Variants in CSMD3 observed in about 807,000 individuals in gnomAD.
CSMD3 encodes the protein CUB and sushi domain-containing protein 3.
CSMD3 carries 177 observed loss-of-function variants against 435.2 expected under a neutral mutation model. The observed-to-expected ratio is 0.41, with a 90% confidence interval of 0.36 to 0.46. The LOEUF (loss-of-function observed/expected upper bound fraction) is 0.46. Among genes scored for constraint, CSMD3 ranks in the 20% least tolerant of loss-of-function variants. The pLI, the probability that CSMD3 is intolerant of heterozygous loss-of-function variation, is 0.34. For synonymous variants in CSMD3, 1,656 were observed against 1,520.5 expected, an observed-to-expected ratio of 1.09 and a Z score of -2.07; for missense variants, 4,265 against 4,504.6, an observed-to-expected ratio of 0.95 and a Z score of 1.52.
intron 3 of CSMD3, among the ~76,000 whole-genome samples, chr8:113,192,614 T>C (rs1443523820): frequency 6.6e-6 from 1 of 151,652 alleles, no homozygotes; most frequent in Non-Finnish European, 1.5e-5. Flanking sequence ...CTCTCCCTTA[T>C]GGAAGTTTTC....
chr8:112,596,563 A>G (rs946113615), intron 22 of CSMD3, among the ~76,000 whole-genome samples: 6 of 152,020 alleles, frequency 3.9e-5, no homozygotes, highest in Non-Finnish European at 8.8e-5. Flanking sequence ...CAGAATACAC[A>G]TTTTTTTCAG....
At chr8:113,050,957 A>G (rs1011106698) in intron 5 of CSMD3, among the ~76,000 whole-genome samples, 1 of 152,136 alleles carries the variant, frequency 6.6e-6, no homozygotes, top group South Asian at 2.1e-4. Context: ...TTCCAGATCT[A>G]GCAACAGTGA....
intron 66 of CSMD3, among the ~76,000 whole-genome samples, chr8:112,239,799 G>GA (rs1242309864): frequency 2.6e-5 from 4 of 151,864 alleles, no homozygotes; most frequent in African/African-American, 4.8e-5. Context: ...ATTTTTACCA[G>GA]AAATTTTTCT....
At chr8:112,386,205 T>C (rs552378626) in intron 36 of CSMD3, among the ~76,000 whole-genome samples, 1 of 152,210 alleles carries the variant, frequency 6.6e-6, no homozygotes, top group East Asian at 1.9e-4. Flanking sequence ...TTCAGTGCAG[T>C]AAAGCTGATT....
At chr8:112,760,197 A>C (rs1288538485) in intron 13 of CSMD3, among the ~76,000 whole-genome samples, 1 of 152,220 alleles carries the variant, frequency 6.6e-6, no homozygotes, top group African/African-American at 2.4e-5. Context: ...ACATTAGATC[A>C]AACTTTTAGG....
At chr8:112,410,600 A>ATG (rs1433652361) in intron 32 of CSMD3, among the ~76,000 whole-genome samples, 40 of 99,776 alleles carry the variant, frequency 4.0e-4, no homozygotes, top group African/African-American at 1.4e-3. Flanking sequence ...GTATATATAT[A>ATG]TGTGTATATA....
At chr8:112,325,905 C>A (rs1021687088) in intron 45 of CSMD3, among the ~76,000 whole-genome samples, 9 of 151,998 alleles carry the variant, frequency 5.9e-5, no homozygotes, top group African/African-American at 1.9e-4. Flanking sequence ...TTATGAGAAT[C>A]AAATGGGTTT....
chr8:112,440,160 C>T (rs1814838834), intron 32 of CSMD3, among the ~76,000 whole-genome samples: 1 of 152,180 alleles, frequency 6.6e-6, no homozygotes, highest in Non-Finnish European at 1.5e-5. Context: ...AATCGGGTTA[C>T]AGGCATTTAG....
At chr8:113,238,482 T>C (rs1199828154) in intron 3 of CSMD3, among the ~76,000 whole-genome samples, 2 of 152,116 alleles carry the variant, frequency 1.3e-5, no homozygotes, top group Admixed American at 6.6e-5. Context: ...TGAGTCTCCA[T>C]TGACTCATCC....
At chr8:112,991,978 G>C (rs968871435) in intron 6 of CSMD3, among the ~76,000 whole-genome samples, 4 of 151,778 alleles carry the variant, frequency 2.6e-5, no homozygotes, top group Non-Finnish European at 5.9e-5. Flanking sequence ...TGATATTTTA[G>C]TGAGCAGGTG....
chr8:113,209,780 A>T (rs1229978094), intron 3 of CSMD3, among the ~76,000 whole-genome samples: 3 of 152,080 alleles, frequency 2.0e-5, no homozygotes, highest in Non-Finnish European at 4.4e-5. Context: ...AAGCAAAGGT[A>T]ATTAATATTT....
At chr8:112,624,961 T>A (rs1054734325) in intron 22 of CSMD3, among the ~76,000 whole-genome samples, 2 of 152,024 alleles carry the variant, frequency 1.3e-5, no homozygotes, top group Non-Finnish European at 2.9e-5. Flanking sequence ...TTGTTTTTGC[T>A]TTTAGGAGAA....
intron 27 of CSMD3, among the ~76,000 whole-genome samples, chr8:112,523,064 CTT>C (rs1192949602): frequency 6.6e-6 from 1 of 151,878 alleles, no homozygotes; most frequent in East Asian, 1.9e-4. Flanking sequence ...TGAAATCACT[CTT>C]AAGTTCTTAT....
intron 61 of CSMD3, 168 bp from the exon 62 acceptor site, chr8:112,255,595 T>G: frequency 1.6e-6 from 1 of 631,330 alleles, no homozygotes; most frequent in Non-Finnish European, 2.8e-6. Flanking sequence ...TGCAGATAAA[T>G]ACTGAATTGA....
chr8:113,329,672 C>A (rs2094012039), intron 1 of CSMD3, among the ~76,000 whole-genome samples: 1 of 149,118 alleles, frequency 6.7e-6, no homozygotes, highest in Non-Finnish European at 1.5e-5. Flanking sequence ...GATCCACACC[C>A]AGACACATCA....
intron 4 of CSMD3, 128 bp from the exon 5 acceptor site, chr8:113,099,091 T>C: frequency 1.5e-6 from 1 of 686,682 alleles, no homozygotes. Flanking sequence ...GTGCATAATA[T>C]ACTAATAGAG....
chr8:113,360,299 T>C (rs1364454580), intron 1 of CSMD3, among the ~76,000 whole-genome samples: 2 of 152,118 alleles, frequency 1.3e-5, no homozygotes, highest in South Asian at 2.1e-4. Flanking sequence ...TATAGGACTT[T>C]GAGCTTGTTC....
At chr8:113,104,010 C>T (rs1226055543) in intron 4 of CSMD3, among the ~76,000 whole-genome samples, 1 of 152,000 alleles carries the variant, frequency 6.6e-6, no homozygotes, top group African/African-American at 2.4e-5. Context: ...TGGAACTTTT[C>T]CAAACATGGC....
At chr8:112,782,713 T>C (rs1430299784) in intron 13 of CSMD3, among the ~76,000 whole-genome samples, 1 of 151,552 alleles carries the variant, frequency 6.6e-6, no homozygotes, top group Non-Finnish European at 1.5e-5. Context: ...AAGAAACAAA[T>C]AGCATACAAT....
Sources: allele counts gnomAD v4.1 joint callset (sites outside exome capture counted in the v4.1 genomes callset), GRCh38; gene constraint gnomAD v4.1.1; transcripts MANE v1.5; gene names NCBI Gene and HGNC (gene_info 2026-07-23, HGNC 2026-07-21).